The following CHST8 variants were observed in gnomAD, a reference collection of about 807,000 sequenced individuals.
CHST8 encodes carbohydrate sulfotransferase 8.
A neutral mutation model predicts 15.0 loss-of-function variants in CHST8; 10 were observed. The observed-to-expected ratio is 0.67, with a 90% CI of 0.41 to 1.13. The LOEUF (loss-of-function observed/expected upper bound fraction) is 1.13, where lower values mean the gene tolerates loss of function less well. Ranked by LOEUF, CHST8 falls within the 50% of genes most tolerant of loss-of-function variation. CHST8 has a pLI of 0.00. For synonymous variants in CHST8, 259 were observed against 256.6 expected (o/e 1.01, Z -0.09); for missense variants, 634 against 608.2 (o/e 1.04, Z -0.45).
At position 33,681,954 on chromosome 19, in the gene CHST8, C is replaced by T. The variant is rs548610626; in HGVS notation, c.-86-7222C>T. ...TGACCTCGCCTCACTGCAATCTCCA[C>T]CTCCCATTCTCCTGCCTCAGCCTCC... On this transcript the variant is annotated intron_variant, in intron 2 of 4. Transcript: ENST00000650847. 3.2e-3 allele frequency among the ~76,000 whole-genome samples: 491 copies of T among 151,940 alleles called. 3 individuals are homozygous for T. The highest frequency in any genetic ancestry group is 0.011 in the African/African-American group (473 of 41,430).
At chr19:33,623,434 A>C (rs1555708538) in intron 1 of CHST8, among the ~76,000 whole-genome samples, 1 of 152,224 alleles carries the variant, frequency 6.6e-6, no homozygotes, top group African/African-American at 2.4e-5. Flanking sequence ...GCAGCAGAGC[A>C]CGTGGGAGAG....
chr19:33,734,968 C>T (rs866626872), intron 3 of CHST8, among the ~76,000 whole-genome samples: 13 of 152,208 alleles, frequency 8.5e-5, no homozygotes, highest in Admixed American at 2.6e-4. Flanking sequence ...CTCCATGCCA[C>T]GGCTTGGGCA....
chr19:33,631,223 A>G (rs1358948303), intron 1 of CHST8, among the ~76,000 whole-genome samples: 1 of 152,038 alleles, frequency 6.6e-6, no homozygotes, highest in Non-Finnish European at 1.5e-5. Context: ...GTTCTTTCTG[A>G]CACCTTCCCT....
chr19:33,740,630 A>G (rs951298100), intron 3 of CHST8, among the ~76,000 whole-genome samples: 1 of 152,168 alleles, frequency 6.6e-6, no homozygotes, highest in Non-Finnish European at 1.5e-5. Flanking sequence ...TCTCTGTTTC[A>G]GCTCTCTGTT....
intron 1 of CHST8, among the ~76,000 whole-genome samples, chr19:33,657,469 G>A (rs1182644640): frequency 6.6e-6 from 1 of 151,202 alleles, no homozygotes; most frequent in Non-Finnish European, 1.5e-5. Flanking sequence ...GGGGGGTTTC[G>A]TTATGTTGAC....
intron 3 of CHST8, among the ~76,000 whole-genome samples, chr19:33,767,733 A>G (rs1264689390): frequency 1.3e-5 from 2 of 152,146 alleles, no homozygotes; most frequent in African/African-American, 4.8e-5. Flanking sequence ...CAAGACACCG[A>G]AAGTGGGGTG....
At position 33,698,032 on chromosome 19, in the gene CHST8, C is replaced by G. The variant is rs1338590681; in HGVS notation, c.130+8641C>G. The stretch of plus-strand genomic sequence containing the variant: ...GTGGCTCATGCCTGTAATTCCAACA[C>G]TTTGGGAGGCTGAGGCGGTGGATCA... On this transcript the variant is annotated intron_variant, in intron 3 of 4. Transcript: ENST00000650847. Among the ~76,000 whole-genome samples the G allele has an allele frequency of 1.3e-5, 2 of 152,108 alleles. 1 individual carries two copies. Among genetic ancestry groups the G allele is most frequent in the African/African-American group, 4.8e-5 (2 of 41,420 alleles).
At chr19:33,646,925 A>C (rs1972362612) in intron 1 of CHST8, among the ~76,000 whole-genome samples, 1 of 152,166 alleles carries the variant, frequency 6.6e-6, no homozygotes, top group African/African-American at 2.4e-5. Flanking sequence ...AAAATAACTA[A>C]ATAAAAATAA....
intron 1 of CHST8, among the ~76,000 whole-genome samples, chr19:33,665,525 G>A (rs1972645742): frequency 6.6e-6 from 1 of 152,102 alleles, no homozygotes; most frequent in African/African-American, 2.4e-5. Flanking sequence ...TGGTTTAATG[G>A]ATTGCAAGAC....
At chr19:33,745,177 C>A (rs1974289277) in intron 3 of CHST8, among the ~76,000 whole-genome samples, 1 of 152,228 alleles carries the variant, frequency 6.6e-6, no homozygotes, top group Non-Finnish European at 1.5e-5. Context: ...GCCACAGTGC[C>A]TGGCCTCTGC....
chr19:33,757,448 A>G (rs868324013), intron 3 of CHST8, among the ~76,000 whole-genome samples: 1,954 of 29,740 alleles, frequency 0.066, 149 homozygotes, highest in Non-Finnish European at 0.088. Flanking sequence ...GAAAGAAAGA[A>G]AGAAAGAAAG....
chr19:33,710,872 GTT>G (rs10532515), intron 3 of CHST8, among the ~76,000 whole-genome samples: 17,488 of 138,584 alleles, frequency 0.13, 1,065 homozygotes, highest in Middle Eastern at 0.2. Context: ...AATTTCTGGA[GTT>G]TTTTTTTTTT....
chr19:33,624,460 A>G (rs1483290697), intron 1 of CHST8, among the ~76,000 whole-genome samples: 1 of 152,216 alleles, frequency 6.6e-6, no homozygotes, highest in African/African-American at 2.4e-5. Flanking sequence ...AATTTCATGC[A>G]TATTTGCTGT....
intron 3 of CHST8, among the ~76,000 whole-genome samples, chr19:33,771,023 A>T (rs1354254680): frequency 6.6e-6 from 1 of 152,036 alleles, no homozygotes; most frequent in Non-Finnish European, 1.5e-5. Flanking sequence ...GAGCTTTCTG[A>T]AGGGTCCTTT....
At chr19:33,728,123 A>T (rs1444886272) in intron 3 of CHST8, among the ~76,000 whole-genome samples, 1 of 152,256 alleles carries the variant, frequency 6.6e-6, no homozygotes, top group Non-Finnish European at 1.5e-5. Flanking sequence ...TCCAGAGCAC[A>T]TGTTAGTTTT....
intron 3 of CHST8, among the ~76,000 whole-genome samples, chr19:33,710,887 T>G (rs1410894389): frequency 4.0e-5 from 6 of 151,828 alleles, no homozygotes; most frequent in Admixed American, 2.6e-4. Flanking sequence ...TTTTTTTTTT[T>G]TTAAGGGGTA....
At chr19:33,718,601 T>C (rs750699291) in intron 3 of CHST8, among the ~76,000 whole-genome samples, 16 of 152,242 alleles carry the variant, frequency 1.1e-4, no homozygotes, top group Non-Finnish European at 1.5e-4. Flanking sequence ...TCTGCTGCTG[T>C]TCCTCTCTAG....
At chr19:33,671,574 C>A (rs11084742) in intron 2 of CHST8, among the ~76,000 whole-genome samples, 1 of 152,120 alleles carries the variant, frequency 6.6e-6, no homozygotes. Flanking sequence ...TCCAGACACA[C>A]TGGGTGTCAA....
intron 2 of CHST8, among the ~76,000 whole-genome samples, chr19:33,686,209 C>T (rs775169651): frequency 2.9e-4 from 44 of 152,126 alleles, no homozygotes; most frequent in Non-Finnish European, 5.0e-4. Flanking sequence ...AAAGGGGAAA[C>T]GTGAACAGAT....
Sources: allele counts gnomAD v4.1 joint callset (sites outside exome capture counted in the v4.1 genomes callset), GRCh38; gene constraint gnomAD v4.1.1; transcripts MANE v1.5; gene names NCBI Gene and HGNC (gene_info 2026-07-23, HGNC 2026-07-21).